The following LRP1B variants were observed in gnomAD, a reference collection of about 807,000 sequenced individuals.
LRP1B encodes the protein low-density lipoprotein receptor-related protein 1B.
In LRP1B, 217 loss-of-function variants were observed where a neutral mutation model predicts 556.6. That is an observed-to-expected ratio of 0.39 (90% confidence interval 0.35 to 0.44). The LOEUF is 0.44. LRP1B is among the 20% of genes least tolerant of loss of function. The pLI is 1.00. For synonymous variants in LRP1B, 2,047 were observed against 1,865.8 expected, an observed-to-expected ratio of 1.10 and a Z score of -2.50; for missense variants, 5,053 against 5,620.8, an observed-to-expected ratio of 0.90 and a Z score of 3.23.
At chr2:141,172,267 A>G (rs1182945094) in intron 7 of LRP1B, among the ~76,000 whole-genome samples, 1 of 152,074 alleles carries the variant, frequency 6.6e-6, no homozygotes, top group African/African-American at 2.4e-5. Context: ...GTATTGCATT[A>G]TAACATGGTC....
At chr2:140,239,268 A>T (rs1680845048) in intron 88 of LRP1B, among the ~76,000 whole-genome samples, 174 bp downstream of exon 88, 2 of 150,886 alleles carry the variant, frequency 1.3e-5, no homozygotes, top group Admixed American at 6.6e-5. Context: ...ATGGGAGAAG[A>T]CTTGTCTAAA....
intron 32 of LRP1B, among the ~76,000 whole-genome samples, chr2:140,800,855 A>G (rs1337927301): frequency 6.6e-6 from 1 of 152,138 alleles, no homozygotes; most frequent in East Asian, 1.9e-4. Flanking sequence ...TATTTTATAC[A>G]TCTTTCCTCT....
chr2:141,657,025 A>G (rs535638803), intron 2 of LRP1B, among the ~76,000 whole-genome samples: 36 of 152,108 alleles, frequency 2.4e-4, no homozygotes, highest in Non-Finnish European at 4.4e-4. Context: ...TGGAACAACA[A>G]ACTTAAAGCT....
chr2:140,533,863 G>C (rs115309430), intron 47 of LRP1B, among the ~76,000 whole-genome samples, 158 bp downstream of exon 47: 365 of 152,236 alleles, frequency 2.4e-3, no homozygotes, highest in African/African-American at 8.4e-3. Flanking sequence ...GAATTTTCAA[G>C]TAACTTTAGC....
At chr2:141,689,487 TTA>T (rs1691434028) in intron 2 of LRP1B, among the ~76,000 whole-genome samples, 2 of 151,804 alleles carry the variant, frequency 1.3e-5, no homozygotes. Flanking sequence ...CATACATGAT[TTA>T]TATCCTTTAG....
chr2:141,484,849 T>G (rs1348443929), intron 2 of LRP1B, among the ~76,000 whole-genome samples: 3 of 152,108 alleles, frequency 2.0e-5, no homozygotes, highest in Non-Finnish European at 4.4e-5. Context: ...CTTATCAGCT[T>G]AAGGAGATTT....
intron 43 of LRP1B, among the ~76,000 whole-genome samples, chr2:140,553,307 G>C (rs1224750180): frequency 6.6e-6 from 1 of 151,916 alleles, no homozygotes; most frequent in Non-Finnish European, 1.5e-5. Flanking sequence ...ACCTGAGGGA[G>C]TTTGTAGAAC....
At chr2:141,259,222 A>G (rs891405000) in intron 3 of LRP1B, among the ~76,000 whole-genome samples, 1 of 152,190 alleles carries the variant, frequency 6.6e-6, no homozygotes, top group Non-Finnish European at 1.5e-5. Flanking sequence ...AATTTCTTTC[A>G]CCACTTATCT....
At chr2:140,773,901 T>C (rs969536970) in intron 33 of LRP1B, among the ~76,000 whole-genome samples, 1 of 152,114 alleles carries the variant, frequency 6.6e-6, no homozygotes, top group African/African-American at 2.4e-5. Flanking sequence ...AAATTTATAT[T>C]ATCTATCAAA....
chr2:140,527,136 T>C (rs890465651), intron 47 of LRP1B, among the ~76,000 whole-genome samples: 1 of 152,032 alleles, frequency 6.6e-6, no homozygotes, highest in African/African-American at 2.4e-5. Context: ...TGTCATTATA[T>C]ACATTTTGTA....
intron 1 of LRP1B, among the ~76,000 whole-genome samples, chr2:142,008,301 A>G (rs1178530765): frequency 1.3e-5 from 2 of 152,194 alleles, no homozygotes; most frequent in African/African-American, 2.4e-5. Context: ...CTAGCCGGTG[A>G]TAACACAGAA....
At chr2:140,321,883 A>G in intron 82 of LRP1B, 80 bp downstream of exon 82, 2 of 1,388,060 alleles carry the variant, frequency 1.4e-6, no homozygotes, top group Non-Finnish European at 2.0e-6. Flanking sequence ...TGGAACAGAT[A>G]ATTTCACTCC....
At chr2:140,925,957 TTGTG>T (rs1387586698) in intron 20 of LRP1B, among the ~76,000 whole-genome samples, 5 of 152,180 alleles carry the variant, frequency 3.3e-5, no homozygotes, top group African/African-American at 9.6e-5. Context: ...GTTTATTTAT[TTGTG>T]TTTCATAAGT....
chr2:142,026,465 T>C (rs1321414615), intron 1 of LRP1B, among the ~76,000 whole-genome samples: 1 of 152,154 alleles, frequency 6.6e-6, no homozygotes, highest in Non-Finnish European at 1.5e-5. Context: ...TTAGAGCTTT[T>C]CCAAATCGTC....
chr2:141,731,888 G>A (rs751938575), intron 2 of LRP1B, among the ~76,000 whole-genome samples: 11 of 152,076 alleles, frequency 7.2e-5, no homozygotes, highest in Admixed American at 1.3e-4. Context: ...TGTAGATGGT[G>A]ACTTTCCTAT....
At chr2:140,421,661 AC>A (rs1244948028) in intron 66 of LRP1B, among the ~76,000 whole-genome samples, 2 of 152,226 alleles carry the variant, frequency 1.3e-5, no homozygotes, top group African/African-American at 4.8e-5. Context: ...CAAGAAATAG[AC>A]AAAGCATAAT....
At chr2:140,322,735 T>C (rs548876596) in intron 81 of LRP1B, among the ~76,000 whole-genome samples, 58 of 152,180 alleles carry the variant, frequency 3.8e-4, no homozygotes, top group African/African-American at 1.4e-3. Flanking sequence ...TAGCTGATTT[T>C]TGACCTTTCC....
At chr2:141,330,722 G>A (rs1366084629) in intron 3 of LRP1B, among the ~76,000 whole-genome samples, 1 of 151,488 alleles carries the variant, frequency 6.6e-6, no homozygotes, top group Non-Finnish European at 1.5e-5. Context: ...AGATAATCAG[G>A]GATTCTACTT....
chr2:141,526,637 CT>C (rs1240257528), intron 2 of LRP1B, among the ~76,000 whole-genome samples: 1 of 151,884 alleles, frequency 6.6e-6, no homozygotes, highest in African/African-American at 2.4e-5. Flanking sequence ...TGCTCTCCTG[CT>C]TAATGTTTTA....
Sources: gnomAD v4.1 joint callset for allele counts (sites outside exome capture counted in the v4.1 genomes callset) on GRCh38, gnomAD v4.1.1 for gene constraint, MANE v1.5 for transcripts, NCBI Gene and HGNC (gene_info 2026-07-23, HGNC 2026-07-21) for gene names.